MYO5B: variants seen among roughly 807,000 people sequenced by gnomAD.
MYO5B encodes the protein unconventional myosin-Vb.
Under a neutral mutation model 229.3 loss-of-function variants are expected in MYO5B, and 143 were observed. The ratio of observed to expected loss-of-function variants is 0.62; its 90% confidence interval spans 0.54 to 0.72. The LOEUF is 0.72. MYO5B is among the 30% of genes least tolerant of loss of function. The pLI, the probability that MYO5B is intolerant of heterozygous loss-of-function variation, is 0.00. For missense variants in MYO5B, 2,321 were observed against 2,331.0 expected, an observed-to-expected ratio of 1.00 and a Z score of 0.09; for synonymous variants, 918 against 885.2, an observed-to-expected ratio of 1.04 and a Z score of -0.66.
At chr18:50,106,120 C>A (rs17716413) in intron 1 of MYO5B, among the ~76,000 whole-genome samples, 26,032 of 152,038 alleles carry the variant, frequency 0.17, 2,799 homozygotes, top group Non-Finnish European at 0.24. Context: ...CCCAAAAATG[C>A]ACCCTGGACA....
At chr18:50,093,207 GACACAC>G (rs772200737) in intron 1 of MYO5B, among the ~76,000 whole-genome samples, 5 of 119,548 alleles carry the variant, frequency 4.2e-5, no homozygotes, top group Non-Finnish European at 5.9e-5. Flanking sequence ...CACACACACA[GACACAC>G]ACACACACAC....
chr18:50,039,519 G>C (rs1178248314), intron 3 of MYO5B, among the ~76,000 whole-genome samples: 2 of 152,054 alleles, frequency 1.3e-5, no homozygotes, highest in African/African-American at 2.4e-5. Flanking sequence ...TTTTAGTAGA[G>C]ATGGGGTTTC....
At position 50,113,690 on chromosome 18, in the gene MYO5B, T is replaced by C. The variant is rs143080170; in HGVS notation, c.28-58312A>G. Among the ~76,000 whole-genome samples the C allele has an allele frequency of 8.3e-4, 126 of 152,304 alleles. 1 individual carries two copies. Among genetic ancestry groups the C allele is most frequent in the Admixed American group, 2.1e-3 (32 of 15,304 alleles). On this transcript the variant is annotated intron_variant, in intron 1 of 39. Transcript: ENST00000285039. ...GGGCCCTGAAGGGTTGAAGTTAGTG[T>C]GAGGGTCTTTTCTCATGGCAGAGTC... is the stretch of plus-strand genomic sequence containing the variant.
At chr18:49,884,130 T>C (rs9709969) in intron 22 of MYO5B, among the ~76,000 whole-genome samples, 90,205 of 151,914 alleles carry the variant, frequency 0.59, 26,860 homozygotes, top group Middle Eastern at 0.67. Flanking sequence ...TAAAAATAAA[T>C]TGAACTTCAT....
intron 2 of MYO5B, among the ~76,000 whole-genome samples, chr18:50,043,344 TTA>T (rs1260003027): frequency 5.9e-4 from 49 of 82,748 alleles, no homozygotes; most frequent in African/African-American, 2.0e-3. Flanking sequence ...TATATTTATA[TTA>T]TATATAATAT....
At chr18:49,843,188 G>T in intron 34 of MYO5B, 53 bp downstream of exon 34, 1 of 1,606,298 alleles carries the variant, frequency 6.2e-7, no homozygotes. Flanking sequence ...ACAGTAAGGG[G>T]CTGGCTTCAC....
chr18:49,856,670 G>T, intron 30 of MYO5B, 143 bp downstream of exon 30: 1 of 748,684 alleles, frequency 1.3e-6, no homozygotes, highest in Non-Finnish European at 2.4e-6. Flanking sequence ...GTGACAGATG[G>T]TCAACCACAG....
At chr18:49,926,546 G>T (rs554794770) in intron 17 of MYO5B, among the ~76,000 whole-genome samples, 24 of 152,332 alleles carry the variant, frequency 1.6e-4, no homozygotes, top group African/African-American at 5.3e-4. Context: ...TCTACATGAT[G>T]CTGGTAGGCA....
At chr18:49,947,479 T>C (rs1205593871) in intron 14 of MYO5B, among the ~76,000 whole-genome samples, 3 of 152,190 alleles carry the variant, frequency 2.0e-5, no homozygotes. Flanking sequence ...AGTTTTTAAA[T>C]TTTTATTTTT....
intron 1 of MYO5B, among the ~76,000 whole-genome samples, chr18:50,065,704 T>C (rs760328078): frequency 6.6e-6 from 1 of 152,092 alleles, no homozygotes; most frequent in South Asian, 2.1e-4. Flanking sequence ...CCGGACCACA[T>C]GCGGCTAATC....
At chr18:49,858,094 G>T (rs1351683051) in intron 29 of MYO5B, among the ~76,000 whole-genome samples, 1 of 152,130 alleles carries the variant, frequency 6.6e-6, no homozygotes, top group Non-Finnish European at 1.5e-5. Flanking sequence ...CCATCTGAAG[G>T]GACTTCCTCC....
chr18:50,101,457 G>A (rs572684742), intron 1 of MYO5B, among the ~76,000 whole-genome samples: 1 of 151,900 alleles, frequency 6.6e-6, no homozygotes, highest in Non-Finnish European at 1.5e-5. Context: ...CTATAAAAAT[G>A]CCTCACCTAC....
chr18:49,991,196 A>G (rs975998304), intron 6 of MYO5B, among the ~76,000 whole-genome samples: 2 of 152,208 alleles, frequency 1.3e-5, no homozygotes, highest in Non-Finnish European at 2.9e-5. Context: ...GGGATTATCA[A>G]GCCAACCTGT....
chr18:50,138,803 G>A (rs1421659355), intron 1 of MYO5B, among the ~76,000 whole-genome samples: 1 of 152,184 alleles, frequency 6.6e-6, no homozygotes, highest in African/African-American at 2.4e-5. Context: ...GTTCCAAGGG[G>A]AAATTTCCAT....
chr18:50,052,579 T>G (rs1254534447), intron 2 of MYO5B, among the ~76,000 whole-genome samples: 2 of 131,408 alleles, frequency 1.5e-5, no homozygotes, highest in African/African-American at 5.6e-5. Context: ...GGGGGAGGGA[T>G]AGCATTAGGA....
chr18:50,039,827 G>A (rs141801053), intron 3 of MYO5B, among the ~76,000 whole-genome samples: 6 of 152,240 alleles, frequency 3.9e-5, no homozygotes, highest in African/African-American at 1.4e-4. Flanking sequence ...TCGGTGCTGA[G>A]AGCAGGCGCC....
Position 50,145,585 on chromosome 18 carries a change from G to A in MYO5B, c.27+49182C>T, listed in dbSNP as rs190323636. Among the ~76,000 whole-genome samples the A allele has an allele frequency of 5.0e-4, 74 of 148,670 alleles. 1 individual carries two copies. The highest frequency in any genetic ancestry group is 3.4e-3 in the Admixed American group (51 of 14,974). On this transcript the variant is annotated intron_variant, in intron 1 of 39. Coordinates refer to ENST00000285039, the MANE Select transcript of MYO5B (RefSeq NM_001080467.3). ...AAAGCAAAGTATTTAAATTAAAAAT[G>A]CTGATGGGAAGACTTTAAACATGTA...
intron 14 of MYO5B, among the ~76,000 whole-genome samples, chr18:49,940,629 T>A (rs1275866773): frequency 6.6e-6 from 1 of 152,184 alleles, no homozygotes; most frequent in Admixed American, 6.5e-5. Context: ...TGAACCCCCC[T>A]CAGTCTGACG....
intron 1 of MYO5B, among the ~76,000 whole-genome samples, chr18:50,128,874 C>G (rs1380560249): frequency 2.0e-5 from 3 of 152,220 alleles, no homozygotes; most frequent in Non-Finnish European, 4.4e-5. Flanking sequence ...CCACCAGAAA[C>G]TGCTTTGGTG....
Sources: gnomAD v4.1 joint callset for allele counts (sites outside exome capture counted in the v4.1 genomes callset) on GRCh38, gnomAD v4.1.1 for gene constraint, MANE v1.5 for transcripts, NCBI Gene and HGNC (gene_info 2026-07-23, HGNC 2026-07-21) for gene names.